Variants in ZMIZ1 observed in about 807,000 individuals in gnomAD.
The protein encoded by ZMIZ1 is zinc finger MIZ domain-containing protein 1.
A neutral mutation model predicts 113.9 loss-of-function variants in ZMIZ1; 17 were observed. The ratio of observed to expected loss-of-function variants is 0.15; its 90% CI spans 0.10 to 0.22. The LOEUF (loss-of-function observed/expected upper bound fraction) is 0.22. Among genes scored for constraint, ZMIZ1 ranks in the 10% least tolerant of loss-of-function variants. The pLI, the probability that ZMIZ1 is intolerant of heterozygous loss-of-function variation, is 1.00. For missense variants in ZMIZ1, 1,059 were observed against 1,477.8 expected, an observed-to-expected ratio of 0.72 and a Z score of 4.65; for synonymous variants, 607 against 603.1, an observed-to-expected ratio of 1.01 and a Z score of -0.09.
At chr10:79,074,433 G>A (rs1842403317) in intron 1 of ZMIZ1, among the ~76,000 whole-genome samples, 2 of 152,222 alleles carry the variant, frequency 1.3e-5, no homozygotes, top group South Asian at 2.1e-4. Context: ...CATGCCCCCA[G>A]TAGCTGTGTC....
intron 3 of ZMIZ1, among the ~76,000 whole-genome samples, chr10:79,147,453 G>T (rs1845536880): frequency 6.6e-6 from 1 of 152,160 alleles, no homozygotes; most frequent in Admixed American, 6.5e-5. Flanking sequence ...CCTGGCCTCC[G>T]TGGCAGGAGT....
chr10:79,178,513 G>T lies in ZMIZ1; in HGVS notation c.-50+16380G>T, dbSNP rs536069844. On this transcript the variant is annotated intron_variant, in intron 4 of 24. Transcript: ENST00000334512. Reference sequence around the variant, plus strand: ...GGAGCTGGAGCCCAGCTGGGCGGGGGTGAAGGAGGTCCCAGGAGGAGCCAT... The same window carrying T: ...GGAGCTGGAGCCCAGCTGGGCGGGGTTGAAGGAGGTCCCAGGAGGAGCCAT... 2.4e-4 allele frequency among the ~76,000 whole-genome samples: 37 copies of T among 152,308 alleles called. 1 individual carries two copies. Among genetic ancestry groups the T allele is most frequent in the African/African-American group, 8.2e-4 (34 of 41,566 alleles).
At chr10:79,233,125 G>A (rs940913082) in intron 7 of ZMIZ1, among the ~76,000 whole-genome samples, 1 of 152,218 alleles carries the variant, frequency 6.6e-6, no homozygotes, top group Non-Finnish European at 1.5e-5. Flanking sequence ...GCCCAAGGGG[G>A]GTGTGGGCTC....
intron 1 of ZMIZ1, among the ~76,000 whole-genome samples, chr10:79,091,647 G>C (rs1351148519): frequency 6.6e-6 from 1 of 152,160 alleles, no homozygotes; most frequent in Non-Finnish European, 1.5e-5. Context: ...CTAGAACAAG[G>C]CAAGGAGCGG....
At chr10:79,119,790 T>C (rs113233421) in intron 2 of ZMIZ1, among the ~76,000 whole-genome samples, 7 of 152,262 alleles carry the variant, frequency 4.6e-5, no homozygotes, top group African/African-American at 1.7e-4. Flanking sequence ...GCCTGGCCTC[T>C]GGGTGCCTCT....
intron 7 of ZMIZ1, among the ~76,000 whole-genome samples, chr10:79,229,354 G>A (rs1026028186): frequency 4.6e-5 from 7 of 152,238 alleles, no homozygotes; most frequent in African/African-American, 9.6e-5. Context: ...CCCAGAGCTC[G>A]GGAAGTCTGG....
chr10:79,078,426 A>G (rs187632859), intron 1 of ZMIZ1, among the ~76,000 whole-genome samples: 213 of 152,234 alleles, frequency 1.4e-3, no homozygotes, highest in African/African-American at 4.8e-3. Flanking sequence ...CAGGGCCACC[A>G]GTCCCCAAAA....
Position 79,296,038 on chromosome 10 carries a change from A to G in ZMIZ1, c.1231-433A>G. 4.9e-6 allele frequency: 1 copy of G among 203,582 alleles called. No individual in the cohort carries two copies. Among genetic ancestry groups the G allele is most frequent in the South Asian group, 6.9e-5 (1 of 14,540 alleles). 12.6% of individuals were successfully genotyped at this position (203,582 alleles called of 1,614,324 possible). A position where few individuals can be genotyped will look rare whatever the true frequency, so the allele number is the denominator to read the frequency against. ...CAATGCCACCCAAGTTCAGCCTTGG[A>G]ATGCAGGGGCACAGGGGGCTCCTTT... On this transcript the variant is annotated intron_variant, in intron 12 of 24. Transcript: ENST00000334512. The surrounding 1 kb of genome is among the most constrained non-coding windows in gnomAD (Gnocchi z 4.1).
chr10:79,236,012 C>T (rs1253210463), intron 7 of ZMIZ1, among the ~76,000 whole-genome samples: 4 of 152,198 alleles, frequency 2.6e-5, no homozygotes, highest in Non-Finnish European at 4.4e-5. Context: ...AAACAAGGGC[C>T]TCTTTACTCT....
intron 4 of ZMIZ1, among the ~76,000 whole-genome samples, chr10:79,179,173 C>T (rs537469007): frequency 7.9e-5 from 12 of 152,298 alleles, no homozygotes; most frequent in Middle Eastern, 3.4e-3. Context: ...AGGGTAACTC[C>T]AAGAGTTAAT....
chr10:79,095,651 C>G (rs1409209072), intron 1 of ZMIZ1, among the ~76,000 whole-genome samples: 1 of 152,250 alleles, frequency 6.6e-6, no homozygotes, highest in African/African-American at 2.4e-5. Context: ...TGGAACGCAC[C>G]TAACAAAGGC....
chr10:79,250,865 C>T (rs1247651932), intron 7 of ZMIZ1, among the ~76,000 whole-genome samples: 2 of 152,196 alleles, frequency 1.3e-5, no homozygotes, highest in African/African-American at 2.4e-5. Context: ...AGCCAACACA[C>T]GGCTTCTTGT....
At chr10:79,130,830 G>A (rs1844730572) in intron 2 of ZMIZ1, among the ~76,000 whole-genome samples, 1 of 152,178 alleles carries the variant, frequency 6.6e-6, no homozygotes, top group Non-Finnish European at 1.5e-5. Context: ...AACATTTTAA[G>A]GATCAGTAAA....
chr10:79,224,755 C>G (rs1458530107), intron 7 of ZMIZ1, among the ~76,000 whole-genome samples: 2 of 152,166 alleles, frequency 1.3e-5, no homozygotes, highest in Non-Finnish European at 1.5e-5. Context: ...GGCATTGCAA[C>G]TAGATGATGT....
At chr10:79,231,075 T>G (rs1188919865) in intron 7 of ZMIZ1, among the ~76,000 whole-genome samples, 1 of 152,150 alleles carries the variant, frequency 6.6e-6, no homozygotes, top group Non-Finnish European at 1.5e-5. Context: ...TCCACACAGC[T>G]AGGCAGATGA....
chr10:79,085,229 C>T (rs1172586978), intron 1 of ZMIZ1, among the ~76,000 whole-genome samples: 1 of 152,206 alleles, frequency 6.6e-6, no homozygotes, highest in Non-Finnish European at 1.5e-5. Flanking sequence ...AAAACCACAG[C>T]CTGGCTGCTG....
rs1190243555 is a variant in ZMIZ1, at chr10:79,069,440, C to T, written c.-337+170C>T. Among the ~76,000 whole-genome samples the T allele has an allele frequency of 2.0e-5, 3 of 151,032 alleles. No individual in the cohort carries two copies. The highest frequency in any genetic ancestry group is 7.3e-5 in the African/African-American group (3 of 41,254). ...GCGGGCTCCGCTCCGCTCTCCTTGG[C>T]GGCCGGGGGCCGAGGCCCGGCGGCC... is the stretch of plus-strand genomic sequence containing the variant. On this transcript the variant is annotated intron_variant, in intron 1 of 24. Coordinates refer to ENST00000334512, the MANE Select transcript of ZMIZ1 (RefSeq NM_020338.4). The surrounding 1 kb of genome is among the most constrained non-coding windows in gnomAD (Gnocchi z 4.6).
intron 1 of ZMIZ1, among the ~76,000 whole-genome samples, chr10:79,092,078 G>A (rs1009796137): frequency 5.3e-5 from 8 of 152,144 alleles, no homozygotes; most frequent in Non-Finnish European, 7.3e-5. Context: ...GGGAGAGGAG[G>A]TGGCAGCAGC....
chr10:79,161,554 T>A (rs944905965), intron 3 of ZMIZ1, among the ~76,000 whole-genome samples: 1 of 152,194 alleles, frequency 6.6e-6, no homozygotes, highest in Middle Eastern at 3.2e-3. Flanking sequence ...TTGCTCAACT[T>A]CACTTCTCCA....
Sources: gnomAD v4.1 joint callset for allele counts (sites outside exome capture counted in the v4.1 genomes callset) on GRCh38, gnomAD v4.1.1 for gene constraint, Gnocchi (gnomAD v3.1) non-coding constraint, MANE v1.5 for transcripts, NCBI Gene and HGNC (gene_info 2026-07-23, HGNC 2026-07-21) for gene names.